The following LITAF variants were observed in gnomAD, a reference collection of about 807,000 sequenced individuals.
LITAF encodes the protein lipopolysaccharide induced TNF factor.
In LITAF, 9 loss-of-function variants were observed where a neutral mutation model predicts 14.5. That is an observed-to-expected ratio of 0.62 (90% CI 0.37 to 1.08). The LOEUF (loss-of-function observed/expected upper bound fraction) is 1.08, where lower values mean the gene tolerates loss of function less well. Ranked by LOEUF, LITAF falls within the 50% of genes least tolerant of loss-of-function variation. The pLI, the probability that LITAF is intolerant of heterozygous loss-of-function variation, is 0.01. For missense variants in LITAF, 206 were observed against 213.4 expected (o/e 0.97, Z 0.22); for synonymous variants, 98 against 88.2 (o/e 1.11, Z -0.62).
upstream of LITAF, among the ~76,000 whole-genome samples, chr16:11,599,248 G>C (rs909475946): frequency 2.6e-5 from 4 of 152,012 alleles, no homozygotes; most frequent in African/African-American, 9.7e-5. Flanking sequence ...CCTCTGGGTA[G>C]CTGGGATTAC....
Position 11,581,161 on chromosome 16 carries a change from A to T in LITAF, c.-6+5725T>A, listed in dbSNP as rs1392977557. Among the ~76,000 whole-genome samples, 5 of 152,240 alleles carry T rather than the reference A, an allele frequency of 3.3e-5. No individual in the cohort carries two copies. In the South Asian group the frequency reaches 1.0e-3, roughly 31 times the overall value. ...TTCTGTGGGACTCCCACATTTATGC[A>T]TGGAATAAATTTGTATGTATTTTCA... On this transcript the variant is annotated intron_variant, in intron 1 of 3. Transcript: ENST00000622633.
rs978014056 is a variant in LITAF, at chr16:11,548,295, C to T, written c.*1342G>A. The T allele has an allele frequency of 2.0e-4, 93 of 453,880 alleles. No individual in the cohort carries two copies. Among genetic ancestry groups the T allele is most frequent in the African/African-American group, 1.7e-3 (84 of 49,986 alleles). The allele number at this position is 453,880 out of a possible 1,614,324, so 28.1% of individuals were successfully genotyped here. A position where few individuals can be genotyped will look rare whatever the true frequency, so the allele number is the denominator to read the frequency against. Reference sequence around the variant, plus strand: ...ACTTCAAAGATGACACAGCAGCCAACCTAGAATCCTGGCTTGCTGCTTGAG... The same window carrying T: ...ACTTCAAAGATGACACAGCAGCCAATCTAGAATCCTGGCTTGCTGCTTGAG... On this transcript the variant is annotated 3_prime_UTR_variant, in exon 4 of 4. Transcript: ENST00000622633.
upstream of LITAF, among the ~76,000 whole-genome samples, chr16:11,589,923 C>CAAAGTATGTGGTTCTGGCATAAGAATAG (rs2064838117): frequency 4.3e-5 from 5 of 117,490 alleles, no homozygotes; most frequent in African/African-American, 2.0e-4. Flanking sequence ...CACACCCAGC[C>CAAAGTATGTGGTTCTGGCATAAGAATAG]AGTTGCATTT....
chr16:11,558,937 G>A lies in LITAF; in HGVS notation c.-5-2202C>T, dbSNP rs962304276. Among the ~76,000 whole-genome samples the A allele has an allele frequency of 1.3e-5, 2 of 152,048 alleles. No homozygotes were observed. Among genetic ancestry groups the A allele is most frequent in the African/African-American group, 4.8e-5 (2 of 41,404 alleles). On this transcript the variant is annotated intron_variant, in intron 1 of 3. Coordinates refer to ENST00000622633, the MANE Select transcript of LITAF (RefSeq NM_001136472.2). The surrounding 1 kb of genome is among the most constrained non-coding windows in gnomAD (Gnocchi z 4.1). ...AATATAGCAGCCACCAGTCACGTAA[G>A]GTTATTGGGCGTCTAAAATGTGGCT...
intron 1 of LITAF, among the ~76,000 whole-genome samples, chr16:11,576,196 C>T (rs1282332453): frequency 6.6e-6 from 1 of 152,000 alleles, no homozygotes; most frequent in Non-Finnish European, 1.5e-5. Context: ...CAGCTGGGCA[C>T]GGTGGCTCAT....
intron 3 of LITAF, among the ~76,000 whole-genome samples, chr16:11,614,092 G>A (rs1036488257): frequency 6.6e-6 from 1 of 152,072 alleles, no homozygotes; most frequent in Non-Finnish European, 1.5e-5. Flanking sequence ...GGCTCAGAAG[G>A]ATGTCCTAGT....
At chr16:11,551,610 C>G (rs1313860248) in intron 3 of LITAF, 1 of 516,478 alleles carries the variant, frequency 1.9e-6, no homozygotes, top group South Asian at 2.6e-5. Context: ...TGCTTGAGTC[C>G]AGGAGTTCAA....
At chr16:11,621,571 C>T (rs1417445073) in intron 3 of LITAF, among the ~76,000 whole-genome samples, 1 of 152,132 alleles carries the variant, frequency 6.6e-6, no homozygotes, top group Non-Finnish European at 1.5e-5. Flanking sequence ...TATTAACCCC[C>T]CTCAGAAGCA....
chr16:11,562,241 G>C (rs1484314872), intron 1 of LITAF, among the ~76,000 whole-genome samples: 1 of 149,340 alleles, frequency 6.7e-6, no homozygotes. Context: ...GTGAACCTGG[G>C]AGATGGAGGC....
intron 3 of LITAF, among the ~76,000 whole-genome samples, chr16:11,608,278 G>A (rs2064964814): frequency 6.6e-6 from 1 of 152,184 alleles, no homozygotes; most frequent in Non-Finnish European, 1.5e-5. Flanking sequence ...CCTGTCCCTC[G>A]TTATGGTGAG....
intron 3 of LITAF, among the ~76,000 whole-genome samples, chr16:11,623,058 G>C (rs1191270500): frequency 6.6e-6 from 1 of 151,096 alleles, no homozygotes; most frequent in Non-Finnish European, 1.5e-5. Context: ...CCGCCTCCTG[G>C]GTTCATGTCA....
At chr16:11,637,974 CTATATA>C (rs1191061266), upstream of LITAF, among the ~76,000 whole-genome samples, 3 of 31,646 alleles carry the variant, frequency 9.5e-5, 1 homozygote, top group Non-Finnish European at 1.6e-4. Context: ...ATCTATATAT[CTATATA>C]TATCTATATA....
At chr16:11,611,689 G>T in intron 3 of LITAF, among the ~76,000 whole-genome samples, 1 of 145,314 alleles carries the variant, frequency 6.9e-6, no homozygotes. Flanking sequence ...TTAAGACAGA[G>T]TCTCCCTCTG....
chr16:11,598,346 T>C (rs2064905277), intron 1 of LITAF: 1 of 151,954 alleles, frequency 6.6e-6, no homozygotes, highest in Non-Finnish European at 1.5e-5. Context: ...CTACTCGGCT[T>C]GCAAAAGAAC....
In LITAF at chr16:11,553,805, G is replaced by T; in HGVS notation, c.221-116C>A. ...CAGCAAATATTATATTTGTACATTT[G>T]TGTTCATAGCATGCGTTCATCGTCT... On this transcript the variant is annotated intron_variant, in intron 2 of 3. Transcript: ENST00000622633. The surrounding 1 kb of genome is among the most constrained non-coding windows in gnomAD (Gnocchi z 7.7). 1 of 1,218,470 alleles carries T rather than the reference G, an allele frequency of 8.2e-7. No individual in the cohort carries two copies. The allele number at this position is 1,218,470 out of a possible 1,614,324, so 75.5% of individuals were successfully genotyped here.
intron 1 of LITAF, among the ~76,000 whole-genome samples, chr16:11,573,416 T>G (rs2064577150): frequency 6.6e-6 from 1 of 152,164 alleles, no homozygotes; most frequent in Non-Finnish European, 1.5e-5. Flanking sequence ...CAGCAACTCT[T>G]CCTCCAGAAA....
At chr16:11,587,290 C>A (rs575348819), upstream of LITAF, 26 of 436,314 alleles carry the variant, frequency 6.0e-5, no homozygotes, top group Non-Finnish European at 9.2e-5. Context: ...CCCCACTTTC[C>A]CCCCTCCCCG....
intron 1 of LITAF, among the ~76,000 whole-genome samples, chr16:11,578,650 T>C (rs180722140): frequency 6.6e-6 from 1 of 152,358 alleles, no homozygotes; most frequent in Admixed American, 6.5e-5. Flanking sequence ...GATATTAACA[T>C]CTGCAATGTC....
chr16:11,620,949 G>A (rs2065046621), intron 3 of LITAF, among the ~76,000 whole-genome samples: 1 of 152,044 alleles, frequency 6.6e-6, no homozygotes, highest in Non-Finnish European at 1.5e-5. Flanking sequence ...AGGCTGGAGT[G>A]CAGTGGTGCC....
Sources: allele counts gnomAD v4.1 joint callset (sites outside exome capture counted in the v4.1 genomes callset), GRCh38; gene constraint gnomAD v4.1.1; non-coding constraint Gnocchi (gnomAD v3.1); transcripts MANE v1.5; gene names NCBI Gene and HGNC (gene_info 2026-07-23, HGNC 2026-07-21).